EHMT1: variants seen among roughly 807,000 people sequenced by gnomAD.
The protein encoded by EHMT1 is euchromatic histone lysine methyltransferase 1.
EHMT1 carries 15 observed loss-of-function variants against 147.2 expected under a neutral mutation model. That is an observed-to-expected ratio of 0.10 (90% CI 0.07 to 0.16). EHMT1 has a LOEUF of 0.16. EHMT1 is among the 10% of genes least tolerant of loss of function. The probability of loss-of-function intolerance (pLI) is 1.00; values close to 1 mark genes in which losing one functional copy is unlikely to be tolerated. For synonymous variants in EHMT1, 795 were observed against 709.6 expected, an observed-to-expected ratio of 1.12 and a Z score of -1.91; for missense variants, 1,587 against 1,772.4, an observed-to-expected ratio of 0.90 and a Z score of 1.88.
intron 1 of EHMT1, chr9:137,676,164 C>G (rs1941285441): frequency 6.6e-6 from 1 of 152,100 alleles, no homozygotes; most frequent in Non-Finnish European, 1.5e-5. Context: ...AAATGATCCA[C>G]CCGCCTCGGC....
chr9:137,817,327 GA>G, intron 23 of EHMT1, 111 bp from the exon 24 acceptor site: 1 of 1,235,260 alleles, frequency 8.1e-7, no homozygotes. Flanking sequence ...TTCGGATACA[GA>G]ACCAGTTTTC....
Position 137,782,459 on chromosome 9 carries a change from A to G in EHMT1, c.2382+62A>G. 3 of 1,446,608 alleles carry G rather than the reference A, an allele frequency of 2.1e-6. No homozygotes were observed. The highest frequency in any genetic ancestry group is 1.4e-5 in the African/African-American group (1 of 71,280). 89.6% of individuals were successfully genotyped at this position (1,446,608 alleles called of 1,614,324 possible). A position where few individuals can be genotyped will look rare whatever the true frequency, so the allele number is the denominator to read the frequency against. ...TGCTCTCTTTTATTTTTACCAAAGTAAAATCATACCACGTTCGCGGTTCTT... is the reference window on the plus strand; with the variant it reads ...TGCTCTCTTTTATTTTTACCAAAGTGAAATCATACCACGTTCGCGGTTCTT... On this transcript the variant is annotated intron_variant, in intron 15 of 26. Coordinates refer to ENST00000460843, the MANE Select transcript of EHMT1 (RefSeq NM_024757.5). This position sits in a 1 kb window ranked among gnomAD's most constrained non-coding sequence, Gnocchi z 5.7.
chr9:137,747,857 T>G (rs1948675563), intron 6 of EHMT1: 1 of 151,308 alleles, frequency 6.6e-6, no homozygotes, highest in African/African-American at 2.4e-5. Context: ...CCGTGTAGGA[T>G]GGTCGTGTTT....
intron 15 of EHMT1, among the ~76,000 whole-genome samples, chr9:137,789,857 G>A (rs1349185368): frequency 6.6e-6 from 1 of 152,228 alleles, no homozygotes; most frequent in African/African-American, 2.4e-5. Flanking sequence ...AGCCTCCTGC[G>A]TAGCTGGGAT....
At chr9:137,829,354 AG>A (rs1323914793) in intron 25 of EHMT1, among the ~76,000 whole-genome samples, 1 of 152,240 alleles carries the variant, frequency 6.6e-6, no homozygotes, top group Non-Finnish European at 1.5e-5. Flanking sequence ...ACCAGAAAGC[AG>A]AGAGAATCAG....
At chr9:137,751,608 C>T (rs937373813) in intron 6 of EHMT1, among the ~76,000 whole-genome samples, 4 of 152,186 alleles carry the variant, frequency 2.6e-5, no homozygotes, top group East Asian at 3.8e-4. Flanking sequence ...GTCTTTTGCA[C>T]TGAACGTCTA....
intron 1 of EHMT1, chr9:137,646,404 A>T: frequency 1.0e-6 from 1 of 985,548 alleles, no homozygotes; most frequent in Non-Finnish European, 1.2e-6. Context: ...CGGGGAGAGG[A>T]CGAGGGACTC....
chr9:137,831,863 A>C (rs180695727), intron 25 of EHMT1, among the ~76,000 whole-genome samples: 2 of 152,382 alleles, frequency 1.3e-5, no homozygotes, highest in Non-Finnish European at 1.5e-5. Flanking sequence ...CCCCTTCTGC[A>C]GGCCCGGCCT....
At chr9:137,698,016 G>C (rs982707173) in intron 1 of EHMT1, among the ~76,000 whole-genome samples, 3 of 150,474 alleles carry the variant, frequency 2.0e-5, no homozygotes, top group African/African-American at 7.4e-5. Context: ...GGTGTGGCTC[G>C]CGGAGGCCTC....
At chr9:137,770,761 G>A (rs1352538877) in intron 10 of EHMT1, among the ~76,000 whole-genome samples, 2 of 152,180 alleles carry the variant, frequency 1.3e-5, no homozygotes, top group Non-Finnish European at 2.9e-5. Flanking sequence ...CCTCCTCTGA[G>A]CACCCAGGAG....
intron 14 of EHMT1, among the ~76,000 whole-genome samples, chr9:137,780,129 G>A (rs1243756344): frequency 6.2e-5 from 9 of 145,240 alleles, no homozygotes; most frequent in African/African-American, 1.8e-4. Flanking sequence ...TGGTGATGAC[G>A]CTGAGATGTG....
chr9:137,811,417 G>A, intron 18 of EHMT1, 44 bp from the exon 19 acceptor site: 2 of 1,609,366 alleles, frequency 1.2e-6, no homozygotes, highest in Non-Finnish European at 1.7e-6. Flanking sequence ...AGCACTGTGA[G>A]CCAGCAGGAA....
At chr9:137,819,795 T>A (rs1955256424) in intron 25 of EHMT1, among the ~76,000 whole-genome samples, 1 of 150,730 alleles carries the variant, frequency 6.6e-6, no homozygotes, top group Non-Finnish European at 1.5e-5. Context: ...GCCCACCCAA[T>A]CCCCACTGCC....
intron 1 of EHMT1, among the ~76,000 whole-genome samples, chr9:137,680,299 C>T (rs919804723): frequency 6.6e-6 from 1 of 151,870 alleles, no homozygotes; most frequent in Non-Finnish European, 1.5e-5. Flanking sequence ...CATGGAGAAA[C>T]CCCGTCTCTA....
intron 23 of EHMT1, chr9:137,817,044 G>C (rs1444999838): frequency 1.0e-5 from 3 of 287,416 alleles, no homozygotes; most frequent in Non-Finnish European, 2.0e-5. Context: ...TGAGGGGCCT[G>C]TGGGCTCCTT....
intron 18 of EHMT1, among the ~76,000 whole-genome samples, chr9:137,808,535 G>A (rs1382421444): frequency 1.3e-5 from 2 of 152,184 alleles, no homozygotes; most frequent in African/African-American, 2.4e-5. Flanking sequence ...CATTGTTTCA[G>A]GAGTGCGGTT....
At position 137,743,940 on chromosome 9, in the gene EHMT1, T is replaced by C. The variant is rs1948329412; in HGVS notation, c.1020T>C (p.Asn340=). The change falls in exon 6 of 27, where the codon AAT becomes AAC. Residue 340 remains asparagine, a synonymous_variant. Coordinates refer to ENST00000460843, the MANE Select transcript of EHMT1 (RefSeq NM_024757.5). ...TGGGCGCCAGCAGCCTGCACGTGAA[T>C]GGGGAGAGCCTGGAGATGGACTCGG... The part of the protein sequence containing the change: ...KDLGASSLHV[N]GESLEMDSDE... 6.2e-7 allele frequency: 1 copy of C among 1,613,606 alleles called. No individual in the cohort carries two copies.
chr9:137,763,046 T>G (rs1309810162), intron 10 of EHMT1: 1 of 629,436 alleles, frequency 1.6e-6, no homozygotes, highest in Non-Finnish European at 2.8e-6. Flanking sequence ...GTAGACAAAG[T>G]CTTTGAATGA....
rs146605270 is a variant in EHMT1 at position 137,632,551 on chromosome 9, G to A, written c.21+13502G>A. Among the ~76,000 whole-genome samples, 815 of 152,200 alleles carry A rather than the reference G, an allele frequency of 5.4e-3. 10 individuals carry two copies. The highest frequency in any genetic ancestry group is 0.018 in the African/African-American group (766 of 41,536). ...CCCGAGTAGCTGGGATTACAGATGCGTGCCACCACACCTAGGTAATTTTTG... is the reference window on the plus strand; with the variant it reads ...CCCGAGTAGCTGGGATTACAGATGCATGCCACCACACCTAGGTAATTTTTG... On this transcript the variant is annotated intron_variant, in intron 1 of 26. Coordinates refer to ENST00000460843, the MANE Select transcript of EHMT1 (RefSeq NM_024757.5).
Sources: gnomAD v4.1 joint callset for allele counts (sites outside exome capture counted in the v4.1 genomes callset) on GRCh38, gnomAD v4.1.1 for gene constraint, Gnocchi (gnomAD v3.1) non-coding constraint, MANE v1.5 for transcripts, NCBI Gene and HGNC (gene_info 2026-07-23, HGNC 2026-07-21) for gene names.